CNTNAP2: variants seen among roughly 807,000 people sequenced by gnomAD.
CNTNAP2 encodes the protein contactin associated protein 2.
Under a neutral mutation model 155.2 loss-of-function variants are expected in CNTNAP2, and 98 were observed. The ratio of observed to expected loss-of-function variants is 0.63; its 90% CI spans 0.54 to 0.75. The LOEUF is 0.75. CNTNAP2 is among the 30% of genes least tolerant of loss of function. The pLI, the probability that CNTNAP2 is intolerant of heterozygous loss-of-function variation, is 0.00. For synonymous variants in CNTNAP2, 651 were observed against 631.2 expected (o/e 1.03, Z -0.47); for missense variants, 1,727 against 1,688.1 (o/e 1.02, Z -0.40).
intron 12 of CNTNAP2, among the ~76,000 whole-genome samples, chr7:147,580,716 A>G (rs1283833930): frequency 6.6e-6 from 1 of 151,978 alleles, no homozygotes. Context: ...CCCAGGTTCA[A>G]GCGATTCTCC....
chr7:147,797,705 C>T (rs764115460), intron 13 of CNTNAP2, among the ~76,000 whole-genome samples: 3 of 152,094 alleles, frequency 2.0e-5, no homozygotes, highest in African/African-American at 7.2e-5. Context: ...ATTTTTAATG[C>T]ATATCCATTC....
chr7:147,474,278 T>C (rs1798277383), intron 10 of CNTNAP2, among the ~76,000 whole-genome samples: 1 of 151,654 alleles, frequency 6.6e-6, no homozygotes, highest in Non-Finnish European at 1.5e-5. Context: ...AGAACTGAAA[T>C]GAGCCACAGT....
At chr7:146,450,182 A>G in intron 1 of CNTNAP2, among the ~76,000 whole-genome samples, 1 of 152,228 alleles carries the variant, frequency 6.6e-6, no homozygotes, top group East Asian at 1.9e-4. Context: ...TAATAACATG[A>G]ACTTTGAGCT....
chr7:148,061,863 A>G, intron 15 of CNTNAP2, among the ~76,000 whole-genome samples: 1 of 149,272 alleles, frequency 6.7e-6, no homozygotes, highest in East Asian at 2.0e-4. Context: ...AGATATAGAT[A>G]GATAGATAAA....
At chr7:146,325,969 G>GA (rs1362632074) in intron 1 of CNTNAP2, among the ~76,000 whole-genome samples, 1 of 152,062 alleles carries the variant, frequency 6.6e-6, no homozygotes, top group Non-Finnish European at 1.5e-5. Flanking sequence ...GCTCAGGCTA[G>GA]AAAAATGTTA....
chr7:146,896,715 A>C (rs917644566), intron 3 of CNTNAP2, among the ~76,000 whole-genome samples: 2 of 152,246 alleles, frequency 1.3e-5, no homozygotes, highest in African/African-American at 2.4e-5. Flanking sequence ...AAGTACAATA[A>C]GAAAATATAA....
At chr7:146,584,369 G>C (rs1034735784) in intron 1 of CNTNAP2, among the ~76,000 whole-genome samples, 2 of 152,184 alleles carry the variant, frequency 1.3e-5, no homozygotes, top group African/African-American at 4.8e-5. Context: ...TAGGAAAACT[G>C]TCAGAAGGGT....
chr7:147,224,037 C>G (rs1221983278), intron 8 of CNTNAP2, among the ~76,000 whole-genome samples: 1 of 58,560 alleles, frequency 1.7e-5, no homozygotes, highest in Non-Finnish European at 2.9e-5. Context: ...CCAAGGCCAC[C>G]TGGAGAACTG....
chr7:148,258,762 C>T (rs148183002), intron 20 of CNTNAP2, among the ~76,000 whole-genome samples: 26 of 152,168 alleles, frequency 1.7e-4, no homozygotes, highest in African/African-American at 4.8e-4. Context: ...CTAGGCTGGG[C>T]GTGGTGGCCT....
Position 147,278,127 on chromosome 7 carries a change from C to CA in CNTNAP2, c.1349-21997dup, listed in dbSNP as rs58102021. On this transcript the variant is annotated intron_variant, in intron 8 of 23. Coordinates refer to ENST00000361727, the MANE Select transcript of CNTNAP2 (RefSeq NM_014141.6). ...AGCTCAGGAAGGGGTGGAAACCATG[C>CA]AAAAAAAAAAAAAAAAATAGCCTCC... Among the ~76,000 whole-genome samples the CA allele has an allele frequency of 6.1e-3, 849 of 138,536 alleles. 8 individuals carry two copies. Among genetic ancestry groups the CA allele is most frequent in the East Asian group, 0.019 (88 of 4,748 alleles). 90.9% of individuals were successfully genotyped at this position (138,536 alleles called of 152,430 possible).
At chr7:147,742,233 A>G (rs1050466144) in intron 13 of CNTNAP2, among the ~76,000 whole-genome samples, 1 of 152,228 alleles carries the variant, frequency 6.6e-6, no homozygotes, top group Non-Finnish European at 1.5e-5. Flanking sequence ...GCAAAACCGT[A>G]TAAGGTTCAT....
intron 1 of CNTNAP2, among the ~76,000 whole-genome samples, chr7:146,514,435 G>C (rs1797512099): frequency 6.6e-6 from 1 of 151,886 alleles, no homozygotes; most frequent in South Asian, 2.1e-4. Context: ...TTTTTCTCCT[G>C]TGACTCTATT....
At chr7:146,459,420 A>G (rs950676183) in intron 1 of CNTNAP2, among the ~76,000 whole-genome samples, 1 of 152,114 alleles carries the variant, frequency 6.6e-6, no homozygotes, top group African/African-American at 2.4e-5. Context: ...GCCAAAACTT[A>G]CAATTGGAAC....
intron 1 of CNTNAP2, among the ~76,000 whole-genome samples, chr7:146,507,324 C>T (rs904476357): frequency 1.3e-5 from 2 of 152,198 alleles, no homozygotes; most frequent in African/African-American, 4.8e-5. Context: ...CCATAGGCCC[C>T]AGCCAAAACC....
chr7:148,093,591 G>T (rs1426057907), intron 15 of CNTNAP2, among the ~76,000 whole-genome samples: 2 of 152,178 alleles, frequency 1.3e-5, no homozygotes, highest in African/African-American at 4.8e-5. Context: ...CATGGATTTT[G>T]TCCCTTACAC....
At chr7:146,387,799 A>ATAG (rs1240687532) in intron 1 of CNTNAP2, among the ~76,000 whole-genome samples, 4 of 152,134 alleles carry the variant, frequency 2.6e-5, no homozygotes, top group African/African-American at 9.7e-5. Context: ...CAGCTTCCTA[A>ATAG]GAAAGGGTGC....
chr7:146,179,931 AT>A (rs1323329886), intron 1 of CNTNAP2, among the ~76,000 whole-genome samples: 1 of 152,130 alleles, frequency 6.6e-6, no homozygotes, highest in African/African-American at 2.4e-5. Context: ...ATATGAAATG[AT>A]TTTTAGTAGG....
chr7:146,705,956 C>T (rs1800958547), intron 1 of CNTNAP2, among the ~76,000 whole-genome samples: 1 of 152,160 alleles, frequency 6.6e-6, no homozygotes. Flanking sequence ...TTTGAAGAGA[C>T]ACAAACATTC....
At chr7:147,736,166 T>C (rs1796839903) in intron 13 of CNTNAP2, among the ~76,000 whole-genome samples, 2 of 151,998 alleles carry the variant, frequency 1.3e-5, no homozygotes, top group South Asian at 2.1e-4. Context: ...TTACTGGTTG[T>C]TCCTTTCCAT....
Sources: allele counts gnomAD v4.1 joint callset (sites outside exome capture counted in the v4.1 genomes callset), GRCh38; gene constraint gnomAD v4.1.1; transcripts MANE v1.5; gene names NCBI Gene and HGNC (gene_info 2026-07-23, HGNC 2026-07-21).